COLEC12: variants seen among roughly 807,000 people sequenced by gnomAD.
COLEC12 encodes the protein collectin subfamily member 12.
In COLEC12, 33 loss-of-function variants were observed where a neutral mutation model predicts 71.1. The observed-to-expected ratio is 0.46, with a 90% CI of 0.35 to 0.62. COLEC12 has a LOEUF of 0.62. Among genes scored for constraint, COLEC12 ranks in the 20% least tolerant of loss-of-function variants. The pLI is 0.00. For synonymous variants in COLEC12, 350 were observed against 353.0 expected (o/e 0.99, Z 0.10); for missense variants, 765 against 916.1 (o/e 0.84, Z 2.13).
At chr18:483,112 T>C (rs942252072) in intron 1 of COLEC12, among the ~76,000 whole-genome samples, 2 of 152,106 alleles carry the variant, frequency 1.3e-5, no homozygotes, top group African/African-American at 4.8e-5. Context: ...TAAAATCACA[T>C]GTGATGCTGT....
intron 2 of COLEC12, among the ~76,000 whole-genome samples, chr18:437,314 T>A (rs1406582503): frequency 6.6e-6 from 1 of 152,232 alleles, no homozygotes; most frequent in Non-Finnish European, 1.5e-5. Flanking sequence ...TGTTCACAGC[T>A]GGAACAGATC....
chr18:329,390 T>TA (rs538892121), intron 8 of COLEC12, among the ~76,000 whole-genome samples: 13 of 151,962 alleles, frequency 8.6e-5, no homozygotes, highest in Admixed American at 2.0e-4. Flanking sequence ...CCAACTCTCT[T>TA]AAAAAAAAGA....
intron 2 of COLEC12, among the ~76,000 whole-genome samples, chr18:392,550 A>G (rs1201534637): frequency 6.6e-6 from 1 of 152,192 alleles, no homozygotes; most frequent in Admixed American, 6.5e-5. Context: ...TTTAGCCCCC[A>G]TTTCAGATGC....
intron 2 of COLEC12, among the ~76,000 whole-genome samples, chr18:409,266 C>T (rs1278542345): frequency 3.9e-5 from 6 of 152,252 alleles, no homozygotes; most frequent in East Asian, 1.9e-4. Context: ...CTAGGCCGGG[C>T]GTGGTGGCTC....
rs1016172228 is a variant in COLEC12, at chr18:362,991, G to C, written c.59-5469C>G. On this transcript the variant is annotated intron_variant, in intron 2 of 9. Transcript: ENST00000400256. This position sits in a 1 kb window ranked among gnomAD's most constrained non-coding sequence, Gnocchi z 4.6. ...AGTGCCCAAACTCAAAGTCCCCTGG[G>C]CTGCCCTGGTTCCAACAACACATTT... 3.3e-5 allele frequency among the ~76,000 whole-genome samples: 5 copies of C among 152,038 alleles called. No homozygotes were observed. The highest frequency in any genetic ancestry group is 5.9e-5 in the Non-Finnish European group (4 of 68,020).
Position 371,224 on chromosome 18 carries a change from A to C in COLEC12, c.59-13702T>G, listed in dbSNP as rs1035335833. ...GAACATATACTACAGTCAAAGGAAA[A>C]ATCTCATGTAGAACTGTGGTAATGA... is the stretch of plus-strand genomic sequence containing the variant. On this transcript the variant is annotated intron_variant, in intron 2 of 9. Coordinates refer to ENST00000400256, the MANE Select transcript of COLEC12 (RefSeq NM_130386.3). 2.0e-5 allele frequency among the ~76,000 whole-genome samples: 3 copies of C among 152,334 alleles called. No homozygotes were observed. The East Asian group carries it at 5.8e-4, about 29-fold the overall frequency.
intron 2 of COLEC12, among the ~76,000 whole-genome samples, chr18:405,966 T>C (rs1915777396): frequency 6.6e-6 from 1 of 151,692 alleles, no homozygotes; most frequent in Non-Finnish European, 1.5e-5. Flanking sequence ...AGATAAGAGG[T>C]CAGCACAAGA....
At chr18:341,889 G>A (rs62089634) in intron 5 of COLEC12, among the ~76,000 whole-genome samples, 18,199 of 152,120 alleles carry the variant, frequency 0.12, 1,322 homozygotes, top group African/African-American at 0.17. Flanking sequence ...AGAGAGGGAA[G>A]ATGTCTGATT....
intron 3 of COLEC12, among the ~76,000 whole-genome samples, chr18:349,079 A>G (rs1914448962): frequency 6.6e-6 from 1 of 152,142 alleles, no homozygotes; most frequent in African/African-American, 2.4e-5. Context: ...TGCCGTCCCA[A>G]ATGTTAACCC....
At position 319,327 on chromosome 18, in the gene COLEC12, A is replaced by ATATATATATAT. The variant is rs1487697803; in HGVS notation, c.*717_*718insATATATATATA. The ATATATATATAT allele has an allele frequency of 1.0e-3, 4 of 3,964 alleles. No individual in the cohort carries two copies. The South Asian group carries it at 0.045, about 45-fold the overall frequency. The allele number at this position is 3,964 out of a possible 1,614,324, so 0.2% of individuals were successfully genotyped here. ...CTCTGAGGAAATGAAACATTAAAAA[A>ATATATATATAT]AAAAAAAAAAAAAAATATATATATA... On this transcript the variant is annotated 3_prime_UTR_variant, in exon 10 of 10. Coordinates refer to ENST00000400256, the MANE Select transcript of COLEC12 (RefSeq NM_130386.3).
intron 3 of COLEC12, 108 bp downstream of exon 3, chr18:357,292 T>C: frequency 9.5e-7 from 1 of 1,049,602 alleles, no homozygotes; most frequent in Non-Finnish European, 1.4e-6. Flanking sequence ...ATTTTGCATC[T>C]GAGTTGTATG....
At chr18:367,375 C>G (rs998646532) in intron 2 of COLEC12, among the ~76,000 whole-genome samples, 1 of 151,922 alleles carries the variant, frequency 6.6e-6, no homozygotes, top group Non-Finnish European at 1.5e-5. Flanking sequence ...TTTTTTTTAA[C>G]CACCAAAACT....
At position 480,983 on chromosome 18, in the gene COLEC12, G is replaced by C. The variant is rs1018697184; in HGVS notation, c.8-226C>G. 2.6e-5 allele frequency among the ~76,000 whole-genome samples: 4 copies of C among 152,088 alleles called. No homozygotes were observed. Among genetic ancestry groups the C allele is most frequent in the African/African-American group, 4.8e-5 (2 of 41,402 alleles). ...TCCTAATGTGACTCCTTCGAATTCA[G>C]GTCTTAGCTAAAGTGCGACCCTTCG... On this transcript the variant is annotated intron_variant, in intron 1 of 9. Transcript: ENST00000400256. This position sits in a 1 kb window ranked among gnomAD's most constrained non-coding sequence, Gnocchi z 4.1.
At chr18:455,218 T>C (rs1916840864) in intron 2 of COLEC12, among the ~76,000 whole-genome samples, 1 of 152,086 alleles carries the variant, frequency 6.6e-6, no homozygotes. Flanking sequence ...ATTGTGATGC[T>C]ATAATGTGGT....
chr18:479,548 T>TCACA (rs1313138046), intron 2 of COLEC12, among the ~76,000 whole-genome samples: 20 of 130,028 alleles, frequency 1.5e-4, no homozygotes, highest in East Asian at 6.6e-4. Flanking sequence ...TCTCTCTCTC[T>TCACA]CTCACACACA....
At chr18:464,844 T>C (rs1917054431) in intron 2 of COLEC12, among the ~76,000 whole-genome samples, 1 of 152,156 alleles carries the variant, frequency 6.6e-6, no homozygotes, top group South Asian at 2.1e-4. Flanking sequence ...CATTCCTTAT[T>C]CCTATTGAGA....
At chr18:364,298 G>A (rs961253349) in intron 2 of COLEC12, among the ~76,000 whole-genome samples, 1 of 152,182 alleles carries the variant, frequency 6.6e-6, no homozygotes, top group Non-Finnish European at 1.5e-5. Flanking sequence ...TGCAGTGTCT[G>A]CCAGAATATA....
chr18:390,823 A>G (rs1427692618), intron 2 of COLEC12, among the ~76,000 whole-genome samples: 2 of 151,914 alleles, frequency 1.3e-5, no homozygotes, highest in South Asian at 2.1e-4. Context: ...TGGTGCATGC[A>G]CTGTCATCCT....
intron 2 of COLEC12, among the ~76,000 whole-genome samples, chr18:419,583 A>G (rs1916057705): frequency 1.3e-5 from 2 of 152,234 alleles, no homozygotes; most frequent in African/African-American, 4.8e-5. Flanking sequence ...TTCTAACAAA[A>G]CATTTGCTGT....
Sources: allele counts gnomAD v4.1 joint callset (sites outside exome capture counted in the v4.1 genomes callset), GRCh38; gene constraint gnomAD v4.1.1; non-coding constraint Gnocchi (gnomAD v3.1); transcripts MANE v1.5; gene names NCBI Gene and HGNC (gene_info 2026-07-23, HGNC 2026-07-21).